The following SNX29 variants were observed in gnomAD, a reference collection of about 807,000 sequenced individuals.
The protein encoded by SNX29 is sorting nexin-29.
SNX29 carries 78 observed loss-of-function variants against 102.1 expected under a neutral mutation model. The observed-to-expected ratio is 0.76, with a 90% CI of 0.64 to 0.92. The LOEUF is 0.92. Among genes scored for constraint, SNX29 ranks in the 40% least tolerant of loss-of-function variants. The pLI is 0.00. For missense variants in SNX29, 1,280 were observed against 1,061.7 expected (o/e 1.21, Z -2.86); for synonymous variants, 580 against 414.5 (o/e 1.40, Z -4.85).
chr16:12,405,577 A>G (rs1471853530), intron 18 of SNX29, among the ~76,000 whole-genome samples: 1 of 152,174 alleles, frequency 6.6e-6, no homozygotes, highest in East Asian at 1.9e-4. Flanking sequence ...TTTTTAGCAA[A>G]TGATGCTTCT....
chr16:11,997,480 CTTT>C (rs55693728), intron 1 of SNX29, among the ~76,000 whole-genome samples: 6 of 144,122 alleles, frequency 4.2e-5, no homozygotes, highest in Admixed American at 7.0e-5. Flanking sequence ...TACATTTATA[CTTT>C]TTTTTTTTTT....
At chr16:12,345,340 C>T (rs560036282) in intron 15 of SNX29, among the ~76,000 whole-genome samples, 1 of 152,304 alleles carries the variant, frequency 6.6e-6, no homozygotes, top group African/African-American at 2.4e-5. Context: ...CCTCAGTTTC[C>T]TCCCATATAA....
intron 18 of SNX29, among the ~76,000 whole-genome samples, chr16:12,434,432 C>G (rs571741060): frequency 6.6e-6 from 1 of 152,196 alleles, no homozygotes; most frequent in East Asian, 1.9e-4. Flanking sequence ...TGGGAGGCAG[C>G]AGAAGGGGGA....
chr16:12,211,664 G>A (rs1407396919), intron 14 of SNX29, among the ~76,000 whole-genome samples: 2 of 152,166 alleles, frequency 1.3e-5, no homozygotes, highest in African/African-American at 4.8e-5. Flanking sequence ...TCTGCAGGGT[G>A]GGCCTCTAGG....
chr16:12,226,574 CTT>C (rs33956641), intron 14 of SNX29, among the ~76,000 whole-genome samples: 11 of 133,198 alleles, frequency 8.3e-5, no homozygotes, highest in Admixed American at 7.7e-5. Context: ...ACTGAGCCTT[CTT>C]TTTTTTTTTT....
chr16:12,058,298 T>G (rs1567167575), intron 8 of SNX29, among the ~76,000 whole-genome samples: 2 of 152,080 alleles, frequency 1.3e-5, no homozygotes, highest in African/African-American at 2.4e-5. Context: ...TTCTCTCTCT[T>G]CTTTTGGGCA....
At chr16:12,414,485 T>G (rs530392063) in intron 18 of SNX29, among the ~76,000 whole-genome samples, 1 of 152,328 alleles carries the variant, frequency 6.6e-6, no homozygotes, top group Non-Finnish European at 1.5e-5. Context: ...ATATCCCATC[T>G]TCACCTCCAC....
At chr16:12,196,539 A>G (rs1405624875) in intron 13 of SNX29, among the ~76,000 whole-genome samples, 1 of 152,118 alleles carries the variant, frequency 6.6e-6, no homozygotes, top group Non-Finnish European at 1.5e-5. Flanking sequence ...AGGGATTTCA[A>G]GGAAGGTGCA....
chr16:12,342,096 G>A (rs1596995250), intron 15 of SNX29, among the ~76,000 whole-genome samples: 1 of 152,294 alleles, frequency 6.6e-6, no homozygotes, highest in East Asian at 1.9e-4. Flanking sequence ...GAAAACAGAA[G>A]AAGATCACAT....
At chr16:12,071,582 A>G (rs1048118105) in intron 10 of SNX29, among the ~76,000 whole-genome samples, 2 of 152,158 alleles carry the variant, frequency 1.3e-5, no homozygotes, top group Admixed American at 6.6e-5. Context: ...GCCTTGTAGT[A>G]TAGTTTGAAG....
chr16:12,561,179 C>T (rs1238321963), intron 20 of SNX29: 4 of 230,256 alleles, frequency 1.7e-5, no homozygotes, highest in Non-Finnish European at 3.4e-5. Flanking sequence ...TTCAGCCTGG[C>T]ATGCTCTGAT....
At chr16:12,275,880 T>C (rs1373482667) in intron 14 of SNX29, among the ~76,000 whole-genome samples, 2 of 116,238 alleles carry the variant, frequency 1.7e-5, no homozygotes, top group Admixed American at 1.9e-4. Flanking sequence ...ACATTTTAAT[T>C]GTTTTTTTTT....
intron 19 of SNX29, among the ~76,000 whole-genome samples, chr16:12,520,988 C>T (rs2090076876): frequency 6.6e-6 from 1 of 152,050 alleles, no homozygotes; most frequent in South Asian, 2.1e-4. Flanking sequence ...CACTTGAAGT[C>T]AGGAGTTCGA....
intron 14 of SNX29, among the ~76,000 whole-genome samples, chr16:12,226,424 A>G (rs2077611933): frequency 6.6e-6 from 1 of 152,134 alleles, no homozygotes; most frequent in Non-Finnish European, 1.5e-5. Flanking sequence ...TAAAAGGAGG[A>G]GAGAGAGGGA....
At chr16:12,081,014 A>G (rs1490069011) in intron 11 of SNX29, among the ~76,000 whole-genome samples, 1 of 152,218 alleles carries the variant, frequency 6.6e-6, no homozygotes, top group Non-Finnish European at 1.5e-5. Flanking sequence ...ACTTAAACAA[A>G]TTGAATTCCT....
chr16:12,095,969 GC>G (rs1242790007), intron 11 of SNX29, among the ~76,000 whole-genome samples: 1 of 152,242 alleles, frequency 6.6e-6, no homozygotes, highest in African/African-American at 2.4e-5. Context: ...ACATTCGGCA[GC>G]TCCAGAAATG....
chr16:12,483,759 A>G (rs2088090043), intron 19 of SNX29, among the ~76,000 whole-genome samples: 1 of 152,166 alleles, frequency 6.6e-6, no homozygotes, highest in South Asian at 2.1e-4. Flanking sequence ...TGCTCATCAC[A>G]GTGCTGGGTT....
intron 13 of SNX29, among the ~76,000 whole-genome samples, chr16:12,170,439 C>G (rs918060373): frequency 2.6e-5 from 4 of 151,884 alleles, no homozygotes; most frequent in African/African-American, 9.7e-5. Flanking sequence ...TGGGGGAGAC[C>G]ACTTAGCCCT....
intron 20 of SNX29, among the ~76,000 whole-genome samples, chr16:12,554,017 G>GT (rs2078162963): frequency 6.6e-6 from 1 of 152,018 alleles, no homozygotes. Flanking sequence ...TAGAGACAGC[G>GT]TTTTAACCAT....
Sources: gnomAD v4.1 joint callset for allele counts (sites outside exome capture counted in the v4.1 genomes callset) on GRCh38, gnomAD v4.1.1 for gene constraint, MANE v1.5 for transcripts, NCBI Gene and HGNC (gene_info 2026-07-23, HGNC 2026-07-21) for gene names.